The following SYT7 variants were observed in gnomAD, a reference collection of about 807,000 sequenced individuals.
SYT7 encodes the protein synaptotagmin-7.
A neutral mutation model predicts 75.1 loss-of-function variants in SYT7; 29 were observed. The observed-to-expected ratio is 0.39, with a 90% confidence interval of 0.29 to 0.53. The LOEUF is 0.53. SYT7 is among the 20% of genes least tolerant of loss of function. SYT7 has a pLI of 0.77. For missense variants in SYT7, 693 were observed against 953.2 expected (o/e 0.73, Z 3.59); for synonymous variants, 376 against 401.7 (o/e 0.94, Z 0.76).
chr11:61,523,788 TC>T lies in SYT7; in HGVS notation c.1756+38del, dbSNP rs779873433. On this transcript the variant is annotated intron_variant, in intron 11 of 12. Coordinates refer to ENST00000539008, the MANE Select transcript of SYT7 (RefSeq NM_001365809.2). The surrounding 1 kb of genome is among the most constrained non-coding windows in gnomAD (Gnocchi z 5.0). ...GTGTAAACCTTGTGTCACCAGCACCTCCCCGGCCCGCCCATCCTCTGCTGGA... is the reference window on the plus strand; with the variant it reads ...GTGTAAACCTTGTGTCACCAGCACCTCCCGGCCCGCCCATCCTCTGCTGGA... 1.3e-6 allele frequency: 2 copies of T among 1,594,602 alleles called. No individual in the cohort carries two copies. The highest frequency in any genetic ancestry group is 1.3e-5 in the African/African-American group (1 of 74,542).
intron 1 of SYT7, among the ~76,000 whole-genome samples, chr11:61,574,493 G>A (rs1245971260): frequency 1.3e-5 from 2 of 152,188 alleles, no homozygotes; most frequent in East Asian, 3.9e-4. Context: ...ATTATCAGGG[G>A]AGGACACAGG....
rs1021692082 is a variant in SYT7 at position 61,530,937 on chromosome 11, C to T, written c.1200+2052G>A. 12 of 985,318 alleles carry T rather than the reference C, an allele frequency of 1.2e-5. No individual in the cohort carries two copies. The South Asian group carries it at 1.9e-4, about 15-fold the overall frequency. 61.0% of individuals were successfully genotyped at this position (985,318 alleles called of 1,614,324 possible). Reference sequence around the variant, plus strand: ...CGCTTGCACCAGCAGAAGTCAGCCTCGAAAAGCAGCAAGCCACCCCTATAC... The same window carrying T: ...CGCTTGCACCAGCAGAAGTCAGCCTTGAAAAGCAGCAAGCCACCCCTATAC... On this transcript the variant is annotated intron_variant, in intron 8 of 12. Coordinates refer to ENST00000539008, the MANE Select transcript of SYT7 (RefSeq NM_001365809.2).
At chr11:61,550,630 T>C (rs1454225059) in intron 3 of SYT7, among the ~76,000 whole-genome samples, 1 of 151,934 alleles carries the variant, frequency 6.6e-6, no homozygotes, top group East Asian at 1.9e-4. Context: ...CACTGGCCAG[T>C]GGGCACAGAG....
chr11:61,544,819 TG>T (rs1029765026), intron 5 of SYT7, among the ~76,000 whole-genome samples: 13 of 152,170 alleles, frequency 8.5e-5, no homozygotes, highest in Non-Finnish European at 1.6e-4. Flanking sequence ...GGGACCCTCC[TG>T]GGGCCAGATG....
chr11:61,535,095 A>G (rs1349591396), intron 7 of SYT7, among the ~76,000 whole-genome samples: 3 of 152,196 alleles, frequency 2.0e-5, no homozygotes, highest in African/African-American at 7.2e-5. Flanking sequence ...CAGGACAGAG[A>G]GACAGAGGTG....
chr11:61,561,724 G>T (rs1314961520), intron 1 of SYT7, among the ~76,000 whole-genome samples: 1 of 152,098 alleles, frequency 6.6e-6, no homozygotes. Flanking sequence ...CAGGAACAAA[G>T]ATAATAATAG....
At chr11:61,522,678 T>G (rs1038711734) in intron 12 of SYT7, among the ~76,000 whole-genome samples, 1 of 152,214 alleles carries the variant, frequency 6.6e-6, no homozygotes, top group Non-Finnish European at 1.5e-5. Flanking sequence ...ACGAGGTCTT[T>G]GGAGTCTGAC....
chr11:61,525,218 C>T (rs574427387), intron 9 of SYT7, among the ~76,000 whole-genome samples: 5 of 152,346 alleles, frequency 3.3e-5, no homozygotes, highest in African/African-American at 9.6e-5. Context: ...ATTCTCAATG[C>T]GGCAGCCAGA....
rs554798213 is a variant in SYT7, at chr11:61,533,087, C to T, written c.1102G>A (p.Val368Met). Residue 368 changes from valine to methionine, a missense_variant, in exon 8 of 13, where the codon GTG (valine) becomes ATG (methionine). Val to Met is a conservative substitution (Grantham distance 21, BLOSUM62 1). Coordinates refer to ENST00000539008, the MANE Select transcript of SYT7 (RefSeq NM_001365809.2). ...AGGKAVNTAP[V>M]PGQTPHDESD... ...TCATCGTGGGGTGTCTGGCCTGGCA[C>T]GGGGGCTGTGTTCACCGCCTTCCCT... 1.1e-5 allele frequency: 17 copies of T among 1,610,020 alleles called. No individual in the cohort carries two copies. Among genetic ancestry groups the T allele is most frequent in the Middle Eastern group, 1.7e-4 (1 of 5,818 alleles).
In SYT7 at chr11:61,554,406, C is replaced by T. The variant is rs117688325; in HGVS notation, c.135+1698G>A. Reference sequence around the variant, plus strand: ...AGGGATCTGATGAGTTGATGCACATCCCACCACTGAGGGGTGAACGGACAC... The same window carrying T: ...AGGGATCTGATGAGTTGATGCACATTCCACCACTGAGGGGTGAACGGACAC... On this transcript the variant is annotated intron_variant, in intron 2 of 12. Coordinates refer to ENST00000539008, the MANE Select transcript of SYT7 (RefSeq NM_001365809.2). 7.7e-3 allele frequency among the ~76,000 whole-genome samples: 1,168 copies of T among 152,220 alleles called. 4 individuals are homozygous for T. The highest frequency in any genetic ancestry group is 0.012 in the Non-Finnish European group (824 of 68,008).
At chr11:61,518,853 T>C in intron 12 of SYT7, 122 bp from the exon 13 acceptor site, 1 of 595,202 alleles carries the variant, frequency 1.7e-6, no homozygotes, top group Non-Finnish European at 2.7e-6. Flanking sequence ...AGCCTCCACA[T>C]GCTGTGACAA....
rs976246292 is a variant in SYT7, at chr11:61,572,493, G to A, written c.31+8297C>T. ...GTTAAGACCCAGGCTTTGGAGTGAG[G>A]CCGACTTGCAATCTTATTCCTGCTC... is the stretch of plus-strand genomic sequence containing the variant. On this transcript the variant is annotated intron_variant, in intron 1 of 12. Transcript: ENST00000539008. Among the ~76,000 whole-genome samples the A allele has an allele frequency of 2.0e-5, 3 of 152,178 alleles. No homozygotes were observed. The East Asian group carries it at 5.8e-4, about 29-fold the overall frequency.
intron 9 of SYT7, 80 bp downstream of exon 9, chr11:61,527,835 G>C: frequency 6.5e-7 from 1 of 1,540,284 alleles, no homozygotes; most frequent in Non-Finnish European, 8.8e-7. Context: ...GTCTGTGCAT[G>C]TGGCCACAAG....
intron 8 of SYT7, among the ~76,000 whole-genome samples, chr11:61,529,442 G>A (rs1046847144): frequency 6.6e-6 from 1 of 152,166 alleles, no homozygotes; most frequent in African/African-American, 2.4e-5. Flanking sequence ...CCACCCTCTA[G>A]CTGAAGAGAC....
At chr11:61,584,718 C>T (rs768183575), upstream of SYT7, among the ~76,000 whole-genome samples, 6 of 152,296 alleles carry the variant, frequency 3.9e-5, no homozygotes, top group Middle Eastern at 3.4e-3. Flanking sequence ...TGAGTACTCA[C>T]GGAGAACTGG....
chr11:61,540,665 T>G (rs2063014451), intron 6 of SYT7: 1 of 985,182 alleles, frequency 1.0e-6, no homozygotes, highest in East Asian at 1.1e-4. Flanking sequence ...GGTACCCGGG[T>G]TCCTGGCAGG....
At chr11:61,550,775 G>A (rs986531242) in intron 3 of SYT7, among the ~76,000 whole-genome samples, 6 of 152,222 alleles carry the variant, frequency 3.9e-5, no homozygotes, top group African/African-American at 1.4e-4. Context: ...GCAGTGGGAG[G>A]GCAGACTCCT....
intron 9 of SYT7, among the ~76,000 whole-genome samples, chr11:61,527,347 A>G (rs1019069627): frequency 4.6e-5 from 7 of 152,222 alleles, no homozygotes; most frequent in East Asian, 1.9e-4. Flanking sequence ...TATTATCTCT[A>G]TTTTGTAGAT....
At chr11:61,538,346 G>GGGGAGAGAGAGAGAGAGAGAGAGA (rs1412784519) in intron 6 of SYT7, 80 bp from the exon 7 acceptor site, 1 of 190,140 alleles carries the variant, frequency 5.3e-6, no homozygotes, top group Admixed American at 8.6e-5. Context: ...GGAGAGAGAG[G>GGGGAGAGAGAGAGAGAGAGAGAGA]GAGAGAGAGA....
Sources: gnomAD v4.1 joint callset for allele counts (sites outside exome capture counted in the v4.1 genomes callset) on GRCh38, gnomAD v4.1.1 for gene constraint, Gnocchi (gnomAD v3.1) non-coding constraint, MANE v1.5 for transcripts, NCBI Gene and HGNC (gene_info 2026-07-23, HGNC 2026-07-21) for gene names.